Variants in CSGALNACT1 observed in about 807,000 individuals in gnomAD.
CSGALNACT1 encodes the protein chondroitin sulfate N-acetylgalactosaminyltransferase 1, also known as beta4GalNAcT-1.
In CSGALNACT1, 52 loss-of-function variants were observed where a neutral mutation model predicts 51.0. The observed-to-expected ratio is 1.02, with a 90% CI of 0.82 to 1.29. The LOEUF (loss-of-function observed/expected upper bound fraction) is 1.29. Among genes scored for constraint, CSGALNACT1 ranks in the 50% most tolerant of loss-of-function variants. CSGALNACT1 has a pLI of 0.00. For missense variants in CSGALNACT1, 935 were observed against 679.2 expected, an observed-to-expected ratio of 1.38 and a Z score of -4.19; for synonymous variants, 341 against 254.4, an observed-to-expected ratio of 1.34 and a Z score of -3.24.
At chr8:19,590,114 C>T (rs560294577) in intron 3 of CSGALNACT1, among the ~76,000 whole-genome samples, 115 of 152,298 alleles carry the variant, frequency 7.6e-4, no homozygotes, top group African/African-American at 2.5e-3. Context: ...AGTTTGGTGA[C>T]GTTGTCATCT....
intron 1 of CSGALNACT1, among the ~76,000 whole-genome samples, chr8:19,630,908 A>G (rs1055933645): frequency 1.8e-4 from 27 of 151,946 alleles, no homozygotes; most frequent in Admixed American, 3.3e-4. Flanking sequence ...TCCCCCTTTT[A>G]TTTCCATCTT....
At chr8:19,517,244 C>G (rs531049914) in intron 3 of CSGALNACT1, among the ~76,000 whole-genome samples, 2 of 152,264 alleles carry the variant, frequency 1.3e-5, no homozygotes, top group East Asian at 3.9e-4. Context: ...TCGAGATCAG[C>G]AGCCTGACCA....
In CSGALNACT1 at chr8:19,682,335, C is replaced by T. The variant is rs148739053; in HGVS notation, c.-544+138G>A. The T allele has an allele frequency of 1.0e-5, 3 of 296,804 alleles. No individual in the cohort carries two copies. The East Asian group carries it at 2.5e-4, about 25-fold the overall frequency. The allele number at this position is 296,804 out of a possible 1,614,324, so 18.4% of individuals were successfully genotyped here. A position where few individuals can be genotyped will look rare whatever the true frequency, so the allele number is the denominator to read the frequency against. Reference sequence around the variant, plus strand: ...CCAGAAGGTCTAATCAGAGTGTTTGCTAATGAGTTGGCAAGCTCACTTACC... The same window carrying T: ...CCAGAAGGTCTAATCAGAGTGTTTGTTAATGAGTTGGCAAGCTCACTTACC... On this transcript the variant is annotated intron_variant, in intron 1 of 9. Transcript: ENST00000332246.
intron 1 of CSGALNACT1, among the ~76,000 whole-genome samples, chr8:19,711,639 G>A (rs1243156169): frequency 6.6e-6 from 1 of 152,192 alleles, no homozygotes; most frequent in Non-Finnish European, 1.5e-5. Context: ...TGAACATTGA[G>A]AAGCAAAAAG....
intron 5 of CSGALNACT1, among the ~76,000 whole-genome samples, chr8:19,456,509 T>C (rs2064129872): frequency 6.6e-6 from 1 of 152,238 alleles, no homozygotes; most frequent in Admixed American, 6.5e-5. Flanking sequence ...ACAACTGCAT[T>C]CAGAACGCCG....
At chr8:19,555,248 A>T (rs903718414) in intron 3 of CSGALNACT1, among the ~76,000 whole-genome samples, 4 of 151,948 alleles carry the variant, frequency 2.6e-5, no homozygotes, top group East Asian at 1.9e-4. Context: ...CAAAAAAATT[A>T]AAAAAAAGAA....
intron 1 of CSGALNACT1, among the ~76,000 whole-genome samples, chr8:19,630,234 G>A (rs963622433): frequency 5.0e-5 from 7 of 140,590 alleles, no homozygotes; most frequent in Non-Finnish European, 7.9e-5. Flanking sequence ...GTGTGTGTGT[G>A]TGTGTGTGTA....
intron 5 of CSGALNACT1, among the ~76,000 whole-genome samples, chr8:19,456,366 C>T (rs371709649): frequency 6.6e-6 from 1 of 152,150 alleles, no homozygotes; most frequent in East Asian, 1.9e-4. Flanking sequence ...AAGCTCAGGA[C>T]CCTGAACCCA....
chr8:19,749,915 G>C (rs942913851), intron 1 of CSGALNACT1, among the ~76,000 whole-genome samples: 3 of 152,316 alleles, frequency 2.0e-5, no homozygotes, highest in African/African-American at 7.2e-5. Context: ...AAGTCCATAA[G>C]AGGCAATGCA....
chr8:19,405,046 A>G, exon 10 of CSGALNACT1: 1 of 453,342 alleles, frequency 2.2e-6, no homozygotes, highest in Non-Finnish European at 4.4e-6. Context: ...ATCTCAAAGT[A>G]TCTTCTTAAA....
chr8:19,744,132 A>G (rs1333772802), intron 1 of CSGALNACT1, among the ~76,000 whole-genome samples: 2 of 152,226 alleles, frequency 1.3e-5, no homozygotes, highest in Non-Finnish European at 2.9e-5. Context: ...AATGTGCACA[A>G]ATCAGGCTCG....
intron 3 of CSGALNACT1, among the ~76,000 whole-genome samples, chr8:19,533,339 C>T (rs2083151354): frequency 6.6e-6 from 1 of 152,064 alleles, no homozygotes; most frequent in African/African-American, 2.4e-5. Context: ...CCAGGCTGGT[C>T]TCAAACTCCT....
At chr8:19,743,608 T>G (rs1402243069) in intron 1 of CSGALNACT1, among the ~76,000 whole-genome samples, 2 of 152,256 alleles carry the variant, frequency 1.3e-5, no homozygotes, top group African/African-American at 4.8e-5. Context: ...GGACTTTCAG[T>G]GATGGTGGTT....
At chr8:19,624,654 C>T (rs544955285) in intron 1 of CSGALNACT1, among the ~76,000 whole-genome samples, 141 of 151,748 alleles carry the variant, frequency 9.3e-4, no homozygotes, top group Non-Finnish European at 1.5e-3. Context: ...TTCCTTCCAT[C>T]TTGTACTTTT....
rs1278853346 is a variant in CSGALNACT1 at position 19,649,908 on chromosome 8, T to C, written c.-544+32565A>G. 3.0e-5 allele frequency among the ~76,000 whole-genome samples: 4 copies of C among 133,096 alleles called. No homozygotes were observed. In the Admixed American group the frequency reaches 3.4e-4, roughly 11 times the overall value. The allele number at this position is 133,096 out of a possible 152,430, so 87.3% of individuals were successfully genotyped here. A position where few individuals can be genotyped will look rare whatever the true frequency, so the allele number is the denominator to read the frequency against. On this transcript the variant is annotated intron_variant, in intron 1 of 9. Coordinates refer to the CSGALNACT1 transcript ENST00000332246. ...CTCTAATAACAGAAAACCAGTAAAATTTTTCTGGTAGGGAATACATTCACC... is the reference window on the plus strand; with the variant it reads ...CTCTAATAACAGAAAACCAGTAAAACTTTTCTGGTAGGGAATACATTCACC...
chr8:19,719,873 TA>T (rs35938630), intron 1 of CSGALNACT1, among the ~76,000 whole-genome samples: 8,402 of 152,314 alleles, frequency 0.055, 316 homozygotes, highest in South Asian at 0.1. Flanking sequence ...CCCCTGCAGC[TA>T]AGTATTGCCA....
chr8:19,589,583 G>A (rs1377382953), intron 3 of CSGALNACT1, among the ~76,000 whole-genome samples: 1 of 152,090 alleles, frequency 6.6e-6, no homozygotes, highest in Non-Finnish European at 1.5e-5. Flanking sequence ...TTCCCACCTT[G>A]GCCTCCAAAA....
chr8:19,477,891 C>T (rs777137813), intron 4 of CSGALNACT1, among the ~76,000 whole-genome samples: 1 of 152,212 alleles, frequency 6.6e-6, no homozygotes, highest in Non-Finnish European at 1.5e-5. Context: ...TTCGGTTCCT[C>T]CCATACACGT....
chr8:19,634,822 G>C (rs1340912215), intron 1 of CSGALNACT1, among the ~76,000 whole-genome samples: 1 of 152,190 alleles, frequency 6.6e-6, no homozygotes, highest in Non-Finnish European at 1.5e-5. Context: ...CTAGACCTAT[G>C]AGAAAATTCT....
Sources: allele counts gnomAD v4.1 joint callset (sites outside exome capture counted in the v4.1 genomes callset), GRCh38; gene constraint gnomAD v4.1.1; transcripts MANE v1.5; gene names NCBI Gene and HGNC (gene_info 2026-07-23, HGNC 2026-07-21).